Variants in PTPRN2 observed in about 807,000 individuals in gnomAD.
PTPRN2 encodes receptor-type tyrosine-protein phosphatase N2.
PTPRN2 carries 74 observed loss-of-function variants against 118.8 expected under a neutral mutation model. The observed-to-expected ratio is 0.62, with a 90% CI of 0.52 to 0.76. The LOEUF is 0.76. PTPRN2 is among the 30% of genes least tolerant of loss of function. PTPRN2 has a pLI of 0.00. For missense variants in PTPRN2, 1,481 were observed against 1,394.4 expected (o/e 1.06, Z -0.99); for synonymous variants, 641 against 608.0 (o/e 1.05, Z -0.80).
intron 11 of PTPRN2, among the ~76,000 whole-genome samples, chr7:157,920,724 A>G (rs1383474788): frequency 6.6e-6 from 1 of 152,240 alleles, no homozygotes; most frequent in Non-Finnish European, 1.5e-5. Context: ...GGATACTCAC[A>G]TGCAAAAAGT....
chr7:157,551,930 C>T (rs80337666), intron 21 of PTPRN2, among the ~76,000 whole-genome samples: 4,737 of 146,372 alleles, frequency 0.032, 140 homozygotes, highest in East Asian at 0.13. Flanking sequence ...ATGGGCACCA[C>T]GCACCCCACA....
intron 3 of PTPRN2, among the ~76,000 whole-genome samples, chr7:158,242,920 A>G: frequency 6.6e-6 from 1 of 152,148 alleles, no homozygotes; most frequent in East Asian, 1.9e-4. Flanking sequence ...CTCATTTCTC[A>G]GTCTAGCTGA....
rs1392427938 is a variant in PTPRN2 at position 157,974,739 on chromosome 7, T to C, written c.1724-76002A>G. Among the ~76,000 whole-genome samples the C allele has an allele frequency of 6.6e-6, 1 of 151,684 alleles. No homozygotes were observed. The highest frequency in any genetic ancestry group is 1.9e-4 in the East Asian group (1 of 5,146). On this transcript the variant is annotated intron_variant, in intron 11 of 22. Coordinates refer to ENST00000389418, the MANE Select transcript of PTPRN2 (RefSeq NM_002847.5). The surrounding 1 kb of genome is among the most constrained non-coding windows in gnomAD (Gnocchi z 4.0). ...AGCGGGTCAGGTGCTGGGGAGGTGT[T>C]GCTGGGCATGGTGGATTTGCAAATT...
chr7:158,197,545 A>T (rs1826303339), intron 4 of PTPRN2, among the ~76,000 whole-genome samples: 1 of 152,256 alleles, frequency 6.6e-6, no homozygotes, highest in African/African-American at 2.4e-5. Context: ...CCATGTTTTT[A>T]TTTCTAGTGC....
chr7:157,596,810 C>T lies in PTPRN2; in HGVS notation c.2419-1495G>A, dbSNP rs1266201958. ...TCTAGGACTAAAATGGACTCTTTTG[C>T]TATCAGGGTTTGATTCGAGATTTAC... On this transcript the variant is annotated intron_variant, in intron 16 of 22. Transcript: ENST00000389418. The surrounding 1 kb of genome is among the most constrained non-coding windows in gnomAD (Gnocchi z 4.2). Among the ~76,000 whole-genome samples the T allele has an allele frequency of 6.6e-6, 1 of 152,172 alleles. No homozygotes were observed. The highest frequency in any genetic ancestry group is 1.9e-4 in the East Asian group (1 of 5,196).
chr7:158,002,236 A>G (rs1198325462), intron 11 of PTPRN2, among the ~76,000 whole-genome samples: 1 of 151,798 alleles, frequency 6.6e-6, no homozygotes, highest in Non-Finnish European at 1.5e-5. Context: ...TGCCTTAGAG[A>G]CCCGCCCCCT....
chr7:158,114,636 C>A (rs1044668268), intron 9 of PTPRN2, among the ~76,000 whole-genome samples: 1 of 152,138 alleles, frequency 6.6e-6, no homozygotes, highest in African/African-American at 2.4e-5. Flanking sequence ...TCTAATCTGG[C>A]AGGAACAACG....
At position 157,682,777 on chromosome 7, in the gene PTPRN2, T is replaced by C; in HGVS notation, c.1949A>G (p.Lys650Arg). 2 of 1,614,122 alleles carry C rather than the reference T, an allele frequency of 1.2e-6. No homozygotes were observed. The highest frequency in any genetic ancestry group is 1.7e-6 in the Non-Finnish European group (2 of 1,180,036). The change falls in exon 13 of 23, where the codon AAG becomes AGG. Residue 650 changes from lysine to arginine, a missense_variant. Lys to Arg is a conservative substitution (Grantham distance 26). Around this residue, in one of 3 missense-constraint regions of PTPRN2, gnomAD observed 1,115 missense variants for 994.2 expected, o/e 1.12. Coordinates refer to ENST00000389418, the MANE Select transcript of PTPRN2 (RefSeq NM_002847.5). ...TGGGTCGCCCCCTAGTCCCGAGAGC[T>C]TCTCCTTCAGCCTGTGCTGAGAGCT... ...RHSSQHRLKEKLSGLGGDPGA... is the reference protein window; with the variant it reads ...RHSSQHRLKERLSGLGGDPGA...
intron 17 of PTPRN2, among the ~76,000 whole-genome samples, chr7:157,586,256 G>C (rs916098150): frequency 6.6e-6 from 1 of 152,132 alleles, no homozygotes; most frequent in Non-Finnish European, 1.5e-5. Flanking sequence ...CAAGTAACGT[G>C]CCTTAAAATC....
intron 1 of PTPRN2, among the ~76,000 whole-genome samples, chr7:158,494,282 A>C (rs764642400): frequency 6.6e-6 from 1 of 152,178 alleles, no homozygotes; most frequent in African/African-American, 2.4e-5. Context: ...TGGCCTAAAA[A>C]TCCATGGCCC....
At chr7:158,550,172 G>T (rs568878729) in intron 1 of PTPRN2, among the ~76,000 whole-genome samples, 1 of 152,264 alleles carries the variant, frequency 6.6e-6, no homozygotes, top group East Asian at 1.9e-4. Context: ...TTGACTCCTC[G>T]AGCTCCTCGG....
At chr7:158,398,296 A>T (rs1812681963) in intron 2 of PTPRN2, among the ~76,000 whole-genome samples, 1 of 152,188 alleles carries the variant, frequency 6.6e-6, no homozygotes, top group African/African-American at 2.4e-5. Context: ...AGATATTATT[A>T]TCCCACTAGA....
In PTPRN2 at chr7:158,166,914, A is replaced by G. The variant is rs745963668; in HGVS notation, c.910+17T>C. Reference sequence around the variant, plus strand: ...GGACAGTCAGCAAACAAGAAACACCAAGCGGGGCTGGCTCACCATCGCCTG... The same window carrying G: ...GGACAGTCAGCAAACAAGAAACACCGAGCGGGGCTGGCTCACCATCGCCTG... On this transcript the variant is annotated intron_variant, in intron 6 of 22. Coordinates refer to ENST00000389418, the MANE Select transcript of PTPRN2 (RefSeq NM_002847.5). 6.3e-6 allele frequency: 9 copies of G among 1,422,134 alleles called. No individual in the cohort carries two copies. Among genetic ancestry groups the G allele is most frequent in the Non-Finnish European group, 7.4e-6 (8 of 1,082,906 alleles). The allele number at this position is 1,422,134 out of a possible 1,614,324, so 88.1% of individuals were successfully genotyped here.
rs543468568 is a variant in PTPRN2 at position 157,958,483 on chromosome 7, C to T, written c.1724-59746G>A. On this transcript the variant is annotated intron_variant, in intron 11 of 22. Transcript: ENST00000389418. ...TGTTTCTGTTCACTTATGATATGAT[C>T]CTATAGGTAGAAAATCATAAAGATT... is the stretch of plus-strand genomic sequence containing the variant. Among the ~76,000 whole-genome samples the T allele has an allele frequency of 1.4e-4, 22 of 152,116 alleles. No individual in the cohort carries two copies. The South Asian group carries it at 3.1e-3, about 22-fold the overall frequency.
At chr7:157,637,477 G>T (rs1804389182) in intron 14 of PTPRN2, among the ~76,000 whole-genome samples, 1 of 152,134 alleles carries the variant, frequency 6.6e-6, no homozygotes. Context: ...GGGGAGTGGC[G>T]GTTTCCGTAA....
At chr7:158,182,020 C>T (rs1824751821) in intron 5 of PTPRN2, among the ~76,000 whole-genome samples, 2 of 152,302 alleles carry the variant, frequency 1.3e-5, no homozygotes, top group South Asian at 4.1e-4. Flanking sequence ...ACTTTGGGCT[C>T]TTTCAGACTT....
At chr7:158,186,299 C>T (rs1039125180) in intron 5 of PTPRN2, among the ~76,000 whole-genome samples, 2 of 152,126 alleles carry the variant, frequency 1.3e-5, no homozygotes, top group African/African-American at 4.8e-5. Context: ...GTGTCCTCAG[C>T]TCTGGCAGAT....
chr7:157,916,806 G>C (rs1004864332), intron 11 of PTPRN2, among the ~76,000 whole-genome samples: 1 of 143,146 alleles, frequency 7.0e-6, no homozygotes, highest in Non-Finnish European at 1.5e-5. Context: ...CCCAGCTGAA[G>C]GTCCCCACCA....
chr7:157,631,628 C>G (rs530733879), intron 14 of PTPRN2, among the ~76,000 whole-genome samples: 3 of 151,632 alleles, frequency 2.0e-5, no homozygotes, highest in African/African-American at 7.3e-5. Flanking sequence ...GTCAGGAGAT[C>G]GAGTCCATCC....
Sources: gnomAD v4.1 joint callset for allele counts (sites outside exome capture counted in the v4.1 genomes callset) on GRCh38, gnomAD v4.1.1 for gene constraint, gnomAD v4.1.1 regional missense constraint, Gnocchi (gnomAD v3.1) non-coding constraint, MANE v1.5 for transcripts, NCBI Gene and HGNC (gene_info 2026-07-23, HGNC 2026-07-21) for gene names.